The following ADRA1A variants were observed in gnomAD, a reference collection of about 807,000 sequenced individuals.
ADRA1A encodes the protein alpha-1A adrenergic receptor.
A neutral mutation model predicts 29.6 loss-of-function variants in ADRA1A; 31 were observed. The ratio of observed to expected loss-of-function variants is 1.05; its 90% CI spans 0.79 to 1.41. The LOEUF (loss-of-function observed/expected upper bound fraction) is 1.41. Ranked by LOEUF, ADRA1A falls within the 40% of genes most tolerant of loss-of-function variation. ADRA1A has a pLI of 0.00. For missense variants in ADRA1A, 619 were observed against 601.1 expected (o/e 1.03, Z -0.31); for synonymous variants, 311 against 254.3 (o/e 1.22, Z -2.12).
intron 2 of ADRA1A, among the ~76,000 whole-genome samples, chr8:26,818,139 A>T (rs1159838685): frequency 6.6e-6 from 1 of 152,200 alleles, no homozygotes; most frequent in Non-Finnish European, 1.5e-5. Flanking sequence ...ACTATAGAGA[A>T]AGAAAACTCA....
intron 2 of ADRA1A, among the ~76,000 whole-genome samples, chr8:26,760,705 C>T (rs746770287): frequency 9.9e-5 from 15 of 152,178 alleles, no homozygotes; most frequent in Non-Finnish European, 2.1e-4. Flanking sequence ...ACCCTCCTCT[C>T]GGAGTCTAGG....
At chr8:26,809,046 T>C (rs56216328) in intron 2 of ADRA1A, among the ~76,000 whole-genome samples, 4,018 of 152,272 alleles carry the variant, frequency 0.026, 173 homozygotes, top group African/African-American at 0.092. Flanking sequence ...ACCTGCCTTA[T>C]TTACTACAAT....
intron 2 of ADRA1A, among the ~76,000 whole-genome samples, chr8:26,792,103 A>G (rs1807879661): frequency 6.6e-6 from 1 of 152,146 alleles, no homozygotes; most frequent in Non-Finnish European, 1.5e-5. Context: ...AAATGCCCAT[A>G]TGAAAGGAAA....
At chr8:26,814,417 C>T (rs1401196337) in intron 2 of ADRA1A, among the ~76,000 whole-genome samples, 4 of 152,122 alleles carry the variant, frequency 2.6e-5, no homozygotes, top group Non-Finnish European at 4.4e-5. Context: ...TGAGCCACCA[C>T]ACCTGCCTAA....
At chr8:26,779,401 T>C (rs61760540) in intron 2 of ADRA1A, 11,822 of 702,480 alleles carry the variant, frequency 0.017, 145 homozygotes, top group Non-Finnish European at 0.024. Context: ...GGTGAGTCAT[T>C]TTTTCCTTCT....
At position 26,805,419 on chromosome 8, in the gene ADRA1A, T is replaced by C. The variant is rs1316522344; in HGVS notation, c.884-34753A>G. ...ATCACTTGTCTACTACGCTACAACA[T>C]TGTCTTAGAGAAGGGAGACCAAGAC... On this transcript the variant is annotated intron_variant, in intron 2 of 2. Transcript: ENST00000380573. The surrounding 1 kb of genome is among the most constrained non-coding windows in gnomAD (Gnocchi z 4.8). 6.6e-6 allele frequency among the ~76,000 whole-genome samples: 1 copy of C among 152,238 alleles called. No individual in the cohort carries two copies. Among genetic ancestry groups the C allele is most frequent in the Non-Finnish European group, 1.5e-5 (1 of 68,040 alleles).
In ADRA1A at chr8:26,867,266, G is replaced by C. The variant is rs571942784; in HGVS notation, c.-1017C>G. On this transcript the variant is annotated 5_prime_UTR_variant, in exon 1 of 3. Coordinates refer to ENST00000380573, the MANE Select transcript of ADRA1A (RefSeq NM_000680.4). ...AATAGCAAGGAACTTTGCAGCTCTCGCTGACGTAACTCAGGCAGTAGCCCA... is the reference window on the plus strand; with the variant it reads ...AATAGCAAGGAACTTTGCAGCTCTCCCTGACGTAACTCAGGCAGTAGCCCA... The C allele has an allele frequency of 7.1e-6, 7 of 985,420 alleles. No individual in the cohort carries two copies. The African/African-American group carries it at 1.2e-4, about 17-fold the overall frequency. 61.0% of individuals were successfully genotyped at this position (985,420 alleles called of 1,614,324 possible).
At position 26,779,226 on chromosome 8, in the gene ADRA1A, C is replaced by A. The variant is rs1296354830; in HGVS notation, c.884-8560G>T. 10 of 684,774 alleles carry A rather than the reference C, an allele frequency of 1.5e-5. No individual in the cohort carries two copies. The African/African-American group carries it at 1.6e-4, about 11-fold the overall frequency. 42.4% of individuals were successfully genotyped at this position (684,774 alleles called of 1,614,324 possible). ...GCAGGAACCCAATTAACAGTTCCTGCCAGAAGAATATGTATCTAGTTCCTT... is the reference window on the plus strand; with the variant it reads ...GCAGGAACCCAATTAACAGTTCCTGACAGAAGAATATGTATCTAGTTCCTT... On this transcript the variant is annotated intron_variant, in intron 2 of 2. Coordinates refer to ENST00000380573, the MANE Select transcript of ADRA1A (RefSeq NM_000680.4).
intron 2 of ADRA1A, among the ~76,000 whole-genome samples, chr8:26,859,548 G>A (rs1400210821): frequency 6.6e-6 from 1 of 152,152 alleles, no homozygotes; most frequent in Non-Finnish European, 1.5e-5. Flanking sequence ...AGGCCCTTGA[G>A]GGCACTGTGT....
downstream of ADRA1A, among the ~76,000 whole-genome samples, chr8:26,754,969 T>G (rs1805088894): frequency 6.6e-6 from 1 of 152,220 alleles, no homozygotes; most frequent in South Asian, 2.1e-4. Flanking sequence ...TATTTTCTGT[T>G]TTTTCTTTTT....
chr8:26,750,534 C>T (rs1804877050), intron 2 of ADRA1A, among the ~76,000 whole-genome samples: 1 of 152,186 alleles, frequency 6.6e-6, no homozygotes, highest in African/African-American at 2.4e-5. Flanking sequence ...AAATCTCATT[C>T]ATGAAGGCTT....
chr8:26,759,336 A>G (rs1385577985), intron 2 of ADRA1A, among the ~76,000 whole-genome samples: 1 of 152,216 alleles, frequency 6.6e-6, no homozygotes, highest in Non-Finnish European at 1.5e-5. Context: ...AAGGGACCTC[A>G]GTTTTTATTC....
In ADRA1A at chr8:26,823,566, G is replaced by A. The variant is rs970811554; in HGVS notation, c.883+40521C>T. The stretch of plus-strand genomic sequence containing the variant: ...GAAGTTGGGACAAATGCACTGGTTC[G>A]GGGAGCGCTGGGCTAAGGATCAGGC... On this transcript the variant is annotated intron_variant, in intron 2 of 2. Coordinates refer to ENST00000380573, the MANE Select transcript of ADRA1A (RefSeq NM_000680.4). This position sits in a 1 kb window ranked among gnomAD's most constrained non-coding sequence, Gnocchi z 4.2. Among the ~76,000 whole-genome samples, 17 of 152,146 alleles carry A rather than the reference G, an allele frequency of 1.1e-4. No individual in the cohort carries two copies. Among genetic ancestry groups the A allele is most frequent in the Admixed American group, 5.2e-4 (8 of 15,278 alleles).
downstream of ADRA1A, chr8:26,768,658 T>C (rs1048669941): frequency 3.9e-5 from 6 of 153,900 alleles, no homozygotes; most frequent in African/African-American, 1.4e-4. Flanking sequence ...ATATGAGGTG[T>C]ATATGAAACA....
chr8:26,816,694 C>A (rs572094920), intron 2 of ADRA1A, among the ~76,000 whole-genome samples: 11 of 152,336 alleles, frequency 7.2e-5, no homozygotes, highest in African/African-American at 2.4e-4. Context: ...CTCACTCACA[C>A]CTCCATGTGG....
At chr8:26,763,848 A>T (rs1412985488), downstream of ADRA1A, among the ~76,000 whole-genome samples, 2 of 152,160 alleles carry the variant, frequency 1.3e-5, no homozygotes, top group Non-Finnish European at 2.9e-5. This position sits in a 1 kb window ranked among gnomAD's most constrained non-coding sequence, Gnocchi z 4.5. Flanking sequence ...GTCAAAACAG[A>T]TAAGAATGTG....
chr8:26,809,073 A>G (rs1406091040), intron 2 of ADRA1A, among the ~76,000 whole-genome samples: 1 of 152,208 alleles, frequency 6.6e-6, no homozygotes, highest in Non-Finnish European at 1.5e-5. Flanking sequence ...ACCACCTGCC[A>G]TGATGCTGGG....
intron 2 of ADRA1A, among the ~76,000 whole-genome samples, chr8:26,856,599 C>T (rs775254188): frequency 5.3e-5 from 8 of 152,152 alleles, no homozygotes; most frequent in African/African-American, 9.7e-5. Flanking sequence ...CGCACGTTCT[C>T]TTCCCTCCCT....
At chr8:26,847,836 T>A (rs1585827032) in intron 2 of ADRA1A, among the ~76,000 whole-genome samples, 1 of 152,210 alleles carries the variant, frequency 6.6e-6, no homozygotes, top group Admixed American at 6.5e-5. Context: ...GTGCTCCAGA[T>A]CCCCCTCAGC....
Sources: allele counts gnomAD v4.1 joint callset (sites outside exome capture counted in the v4.1 genomes callset), GRCh38; gene constraint gnomAD v4.1.1; non-coding constraint Gnocchi (gnomAD v3.1); transcripts MANE v1.5; gene names NCBI Gene and HGNC (gene_info 2026-07-23, HGNC 2026-07-21).